The following SORBS2 variants were observed in gnomAD, a reference collection of about 807,000 sequenced individuals.
The protein encoded by SORBS2 is sorbin and SH3 domain-containing protein 2.
Under a neutral mutation model 97.7 loss-of-function variants are expected in SORBS2, and 46 were observed. That is an observed-to-expected ratio of 0.47 (90% CI 0.37 to 0.60). The LOEUF (loss-of-function observed/expected upper bound fraction) is 0.60, where lower values mean the gene tolerates loss of function less well. SORBS2 is among the 20% of genes least tolerant of loss of function. The pLI is 0.00. For synonymous variants in SORBS2, 476 were observed against 473.4 expected, an observed-to-expected ratio of 1.01 and a Z score of -0.07; for missense variants, 1,316 against 1,282.3, an observed-to-expected ratio of 1.03 and a Z score of -0.40.
At chr4:185,641,505 ACAGT>A (rs1003069640) in intron 4 of SORBS2, among the ~76,000 whole-genome samples, 1 of 152,198 alleles carries the variant, frequency 6.6e-6, no homozygotes, top group African/African-American at 2.4e-5. Context: ...AAGCCTCGCA[ACAGT>A]CAGTGACACA....
exon 4 of SORBS2, chr4:185,678,500 C>A (rs1246109189): frequency 6.4e-7 from 1 of 1,550,460 alleles, no homozygotes; most frequent in South Asian, 1.2e-5. Flanking sequence ...GAATATGTAG[C>A]ATCTCCGTTC....
chr4:185,701,775 CTTT>C (rs34491237), intron 2 of SORBS2, among the ~76,000 whole-genome samples: 1 of 144,366 alleles, frequency 6.9e-6, no homozygotes, highest in African/African-American at 2.5e-5. Context: ...AAATTTCTTT[CTTT>C]TTTTTTTTTT....
At chr4:185,941,848 G>A (rs2099272141) in intron 1 of SORBS2, among the ~76,000 whole-genome samples, 1 of 152,132 alleles carries the variant, frequency 6.6e-6, no homozygotes, top group Non-Finnish European at 1.5e-5. Flanking sequence ...GGGCACGGTG[G>A]CTCACACCTG....
upstream of SORBS2, among the ~76,000 whole-genome samples, chr4:185,659,585 T>C (rs1319006095): frequency 2.0e-5 from 3 of 149,612 alleles, no homozygotes; most frequent in Admixed American, 6.7e-5. Context: ...CCCAGCTAAT[T>C]TTTTTTTTTG....
chr4:185,643,958 A>G (rs2097169541), intron 4 of SORBS2, among the ~76,000 whole-genome samples: 1 of 152,080 alleles, frequency 6.6e-6, no homozygotes, highest in East Asian at 1.9e-4. Flanking sequence ...TATGTAAACT[A>G]TATCAGTACG....
chr4:185,853,169 T>C (rs1024605703), intron 1 of SORBS2, among the ~76,000 whole-genome samples: 1 of 152,152 alleles, frequency 6.6e-6, no homozygotes, highest in Non-Finnish European at 1.5e-5. Context: ...AAGGAAATGA[T>C]AATATATGCT....
chr4:185,948,707 A>G lies in SORBS2; in HGVS notation c.-338+7489T>C, dbSNP rs534445654. On this transcript the variant is annotated intron_variant, in intron 1 of 20. Coordinates refer to the SORBS2 transcript ENST00000284776. ...TAATTTTTGTATTTTTAGTAGAGACAGGGTTTCATCATGTTGGCCAGACTG... is the reference window on the plus strand; with the variant it reads ...TAATTTTTGTATTTTTAGTAGAGACGGGGTTTCATCATGTTGGCCAGACTG... 3.3e-5 allele frequency among the ~76,000 whole-genome samples: 5 copies of G among 151,700 alleles called. No individual in the cohort carries two copies. In the East Asian group the frequency reaches 9.7e-4, roughly 29 times the overall value.
At chr4:185,630,451 GA>G (rs2096888586) in intron 5 of SORBS2, 97 bp downstream of exon 17, 3 of 591,296 alleles carry the variant, frequency 5.1e-6, no homozygotes, top group East Asian at 3.1e-5. Context: ...AAAAATGAGT[GA>G]TACATGATAC....
In SORBS2 at chr4:185,651,971, T is replaced by C. The variant is rs1561684588; in HGVS notation, c.91+691A>G. 8.2e-6 allele frequency: 5 copies of C among 606,580 alleles called. 1 individual carries two copies. Among genetic ancestry groups the C allele is most frequent in the South Asian group, 6.1e-5 (3 of 49,102 alleles). 37.6% of individuals were successfully genotyped at this position (606,580 alleles called of 1,614,324 possible). A position where few individuals can be genotyped will look rare whatever the true frequency, so the allele number is the denominator to read the frequency against. On this transcript the variant is annotated intron_variant, in intron 2 of 14. Coordinates refer to ENST00000418609, the Ensembl canonical transcript of SORBS2. The stretch of plus-strand genomic sequence containing the variant: ...TCATAATGCCATTTTCTTTCTTTTT[T>C]TCTTTTTTTTTAAGAGACAGGGTTT...
At chr4:185,870,580 G>C (rs2099229847) in intron 1 of SORBS2, among the ~76,000 whole-genome samples, 1 of 152,246 alleles carries the variant, frequency 6.6e-6, no homozygotes, top group Admixed American at 6.5e-5. Flanking sequence ...TCGTGTCTGA[G>C]GTTGGCACGT....
intron 4 of SORBS2, among the ~76,000 whole-genome samples, chr4:185,674,733 C>T (rs1252599340): frequency 6.6e-6 from 1 of 152,108 alleles, no homozygotes; most frequent in Admixed American, 6.5e-5. Context: ...CTGGTCCTCC[C>T]ACAGCCCCAG....
intron 1 of SORBS2, among the ~76,000 whole-genome samples, chr4:185,931,870 A>G (rs1300742276): frequency 6.6e-6 from 1 of 151,928 alleles, no homozygotes; most frequent in Admixed American, 6.6e-5. Context: ...CATGTAAGTA[A>G]ATGGTCTAGC....
chr4:185,680,756 A>G (rs1046312702), intron 2 of SORBS2, among the ~76,000 whole-genome samples: 2 of 152,072 alleles, frequency 1.3e-5, no homozygotes, highest in Non-Finnish European at 2.9e-5. Flanking sequence ...GAGAAAGAAG[A>G]AGGTGTACTG....
At chr4:185,787,778 C>T (rs61620258) in intron 1 of SORBS2, among the ~76,000 whole-genome samples, 61,919 of 151,966 alleles carry the variant, frequency 0.41, 13,508 homozygotes, top group Non-Finnish European at 0.49. Flanking sequence ...CCGCCCATTT[C>T]TCTACAGCAT....
chr4:185,623,911 G>C lies in SORBS2; in HGVS notation c.1218C>G (p.Pro406=), dbSNP rs2096763866. The change falls in exon 7 of 15, where the codon CCC becomes CCG. Residue 406 remains proline, a synonymous_variant. Transcript: ENST00000418609. This position sits in a 1 kb window ranked among gnomAD's most constrained non-coding sequence, Gnocchi z 6.4. ...AGATGCGTGTGGGCACCATGTCCCGGGGCACCTCCTCCGTGGAGCACTGGC... is the reference window on the plus strand; with the variant it reads ...AGATGCGTGTGGGCACCATGTCCCGCGGCACCTCCTCCGTGGAGCACTGGC... The C allele has an allele frequency of 6.2e-7, 1 of 1,613,998 alleles. No homozygotes were observed. The highest frequency in any genetic ancestry group is 1.3e-5 in the African/African-American group (1 of 74,910).
chr4:185,918,076 A>G (rs745809198), intron 1 of SORBS2: 1 of 152,218 alleles, frequency 6.6e-6, no homozygotes, highest in Non-Finnish European at 1.5e-5. Flanking sequence ...TATTTGCAAT[A>G]CATTGGGTAT....
intron 1 of SORBS2, among the ~76,000 whole-genome samples, chr4:185,842,951 T>C (rs1253506116): frequency 5.2e-5 from 5 of 95,374 alleles, no homozygotes; most frequent in Non-Finnish European, 1.1e-4. Context: ...AAAAAAAAAT[T>C]AAATTTAACA....
At chr4:185,597,765 T>C (rs10002833) in intron 12 of SORBS2, among the ~76,000 whole-genome samples, 15,911 of 152,206 alleles carry the variant, frequency 0.1, 1,499 homozygotes, top group African/African-American at 0.25. Flanking sequence ...GTAATGCAGC[T>C]GCACTCTGTC....
chr4:185,705,278 A>G (rs764732997), intron 2 of SORBS2, among the ~76,000 whole-genome samples: 22 of 152,228 alleles, frequency 1.4e-4, no homozygotes, highest in Admixed American at 8.5e-4. Flanking sequence ...ACATTTTAGG[A>G]GTACATTTTT....
Sources: gnomAD v4.1 joint callset for allele counts (sites outside exome capture counted in the v4.1 genomes callset) on GRCh38, gnomAD v4.1.1 for gene constraint, Gnocchi (gnomAD v3.1) non-coding constraint, MANE v1.5 for transcripts, NCBI Gene and HGNC (gene_info 2026-07-23, HGNC 2026-07-21) for gene names.